IGFBP7: variants seen among roughly 807,000 people sequenced by gnomAD.
IGFBP7 encodes the protein insulin like growth factor binding protein 7.
A neutral mutation model predicts 29.4 loss-of-function variants in IGFBP7; 31 were observed. That is an observed-to-expected ratio of 1.05 (90% CI 0.79 to 1.42). The LOEUF (loss-of-function observed/expected upper bound fraction) is 1.42. Ranked by LOEUF, IGFBP7 falls within the 40% of genes most tolerant of loss-of-function variation. The pLI, the probability that IGFBP7 is intolerant of heterozygous loss-of-function variation, is 0.00. For missense variants in IGFBP7, 393 were observed against 395.5 expected (o/e 0.99, Z 0.05); for synonymous variants, 172 against 174.9 (o/e 0.98, Z 0.13).
At chr4:57,051,702 C>T (rs570380038) in intron 1 of IGFBP7, among the ~76,000 whole-genome samples, 2 of 152,274 alleles carry the variant, frequency 1.3e-5, no homozygotes, top group South Asian at 4.1e-4. Context: ...TCTACCACTC[C>T]TGAGTTATGC....
At chr4:57,105,907 A>ATT (rs34995246) in intron 1 of IGFBP7, among the ~76,000 whole-genome samples, 104,516 of 135,814 alleles carry the variant, frequency 0.77, 43,079 homozygotes, top group Non-Finnish European at 0.92. Flanking sequence ...CATTTTTTAA[A>ATT]TTTTTTTTTT....
chr4:57,040,019 C>A (rs1426929421), intron 2 of IGFBP7, among the ~76,000 whole-genome samples: 1 of 152,080 alleles, frequency 6.6e-6, no homozygotes, highest in Non-Finnish European at 1.5e-5. Context: ...GGGGCTGGGG[C>A]CAGCATTTAG....
intron 1 of IGFBP7, among the ~76,000 whole-genome samples, chr4:57,061,766 G>A (rs560364742): frequency 2.7e-4 from 41 of 152,166 alleles, no homozygotes; most frequent in Non-Finnish European, 5.0e-4. Context: ...GGATGAGGGC[G>A]GACTCCTATA....
chr4:57,068,077 A>G (rs1031814490), intron 1 of IGFBP7, among the ~76,000 whole-genome samples: 1 of 152,164 alleles, frequency 6.6e-6, no homozygotes, highest in Non-Finnish European at 1.5e-5. Flanking sequence ...CCGTAGTCAC[A>G]GCACTTTGGG....
At chr4:57,066,674 C>T (rs1194716592) in intron 1 of IGFBP7, among the ~76,000 whole-genome samples, 1 of 151,826 alleles carries the variant, frequency 6.6e-6, no homozygotes, top group Non-Finnish European at 1.5e-5. Context: ...AGTGATTCTC[C>T]TGCCTTAGCC....
In IGFBP7 at chr4:57,032,469, T is replaced by A. The variant is rs1388813243; in HGVS notation, c.786A>T (p.Lys262Asn). ...NSQGQASASA[K>N]ITVVDALHEI... ...CATGTAAGGCATCAACCACTGTAAT[T>A]TTTGCTGATGCTGAAGCCTGTCCTT... Residue 262 changes from lysine to asparagine, a missense_variant, in exon 4 of 5, where the codon AAA becomes AAT. Lys to Asn is a moderately conservative substitution (Grantham distance 94). Transcript: ENST00000295666. 1 of 1,613,920 alleles carries A rather than the reference T, an allele frequency of 6.2e-7. No homozygotes were observed. The highest frequency in any genetic ancestry group is 8.5e-7 in the Non-Finnish European group (1 of 1,179,782).
At chr4:57,071,202 A>AC (rs932565992) in intron 1 of IGFBP7, among the ~76,000 whole-genome samples, 20 of 143,548 alleles carry the variant, frequency 1.4e-4, no homozygotes, top group African/African-American at 4.4e-4. Context: ...TTTTTGATAT[A>AC]TTGGGGGGGA....
At chr4:57,082,279 G>A (rs1347267842) in intron 1 of IGFBP7, among the ~76,000 whole-genome samples, 1 of 152,186 alleles carries the variant, frequency 6.6e-6, no homozygotes, top group Non-Finnish European at 1.5e-5. Flanking sequence ...TTTCCTGAGA[G>A]AAGGCTGAGT....
chr4:57,042,785 A>G (rs922156338), intron 1 of IGFBP7, among the ~76,000 whole-genome samples: 3 of 152,252 alleles, frequency 2.0e-5, no homozygotes, highest in Non-Finnish European at 4.4e-5. Context: ...TCTGGCTGCT[A>G]GAGCAGTTGT....
At chr4:57,061,926 G>A (rs952029386) in intron 1 of IGFBP7, among the ~76,000 whole-genome samples, 11 of 152,256 alleles carry the variant, frequency 7.2e-5, no homozygotes, top group Middle Eastern at 3.4e-3. Context: ...GCCTCCCAAA[G>A]TGCTGGGATT....
chr4:57,103,660 C>CTTTTTTTTTT (rs59173874), intron 1 of IGFBP7, among the ~76,000 whole-genome samples: 1,669 of 86,460 alleles, frequency 0.019, 29 homozygotes, highest in Non-Finnish European at 0.028. Flanking sequence ...TTTTTCTTTT[C>CTTTTTTTTTT]TTTTTTTTTT....
At chr4:57,042,596 C>A (rs34857305) in intron 1 of IGFBP7, among the ~76,000 whole-genome samples, 13,476 of 152,282 alleles carry the variant, frequency 0.088, 654 homozygotes, top group African/African-American at 0.098. Context: ...GATCCCCCCA[C>A]CTTGGCCTCC....
In IGFBP7 at chr4:57,031,360, A is replaced by C. The variant is rs139662867; in HGVS notation, c.830-24T>G. The C allele has an allele frequency of 4.9e-4, 770 of 1,575,780 alleles. No homozygotes were observed. In the African/African-American group the frequency reaches 9.5e-3, roughly 19 times the overall value. ...ACCTGTTTAAAAAAAAAAAAAGATAAAAATTAGTTACATATGGGGATGTGG... is the reference window on the plus strand; with the variant it reads ...ACCTGTTTAAAAAAAAAAAAAGATACAAATTAGTTACATATGGGGATGTGG... On this transcript the variant is annotated intron_variant, in intron 4 of 4. Transcript: ENST00000295666.
Position 57,031,397 on chromosome 4 carries a change from A to T in IGFBP7, c.830-61T>A, listed in dbSNP as rs1723922679. On this transcript the variant is annotated intron_variant, in intron 4 of 4. Coordinates refer to ENST00000295666, the MANE Select transcript of IGFBP7 (RefSeq NM_001553.3). Reference sequence around the variant, plus strand: ...ATATGGGGATGTGGTTGACTTTTGAATTGGCAGGTAGTTGAGTGTTTCCAA... The same window carrying T: ...ATATGGGGATGTGGTTGACTTTTGATTTGGCAGGTAGTTGAGTGTTTCCAA... 2.4e-6 allele frequency: 3 copies of T among 1,245,686 alleles called. No individual in the cohort carries two copies. In the Admixed American group the frequency reaches 5.2e-5, roughly 22 times the overall value. The allele number at this position is 1,245,686 out of a possible 1,614,324, so 77.2% of individuals were successfully genotyped here. A position where few individuals can be genotyped will look rare whatever the true frequency, so the allele number is the denominator to read the frequency against.
chr4:57,072,471 T>C (rs976793516), intron 1 of IGFBP7, among the ~76,000 whole-genome samples: 1 of 152,116 alleles, frequency 6.6e-6, no homozygotes, highest in African/African-American at 2.4e-5. Context: ...AGGTTGATGA[T>C]ACAACGAGCT....
intron 1 of IGFBP7, among the ~76,000 whole-genome samples, chr4:57,083,694 C>A (rs543111428): frequency 6.6e-6 from 1 of 152,256 alleles, no homozygotes; most frequent in South Asian, 2.1e-4. Context: ...GTGCGTGGCA[C>A]ATAGTATGTT....
At chr4:57,078,618 C>G (rs1367605038) in intron 1 of IGFBP7, among the ~76,000 whole-genome samples, 1 of 152,176 alleles carries the variant, frequency 6.6e-6, no homozygotes, top group Non-Finnish European at 1.5e-5. Flanking sequence ...TCCCCTCTCA[C>G]AGAACACCCT....
At chr4:57,049,464 T>C (rs998766685) in intron 1 of IGFBP7, among the ~76,000 whole-genome samples, 1 of 152,200 alleles carries the variant, frequency 6.6e-6, no homozygotes, top group South Asian at 2.1e-4. Context: ...CACCATTACA[T>C]GTTCATTACC....
chr4:57,056,681 TG>T (rs963739713), intron 1 of IGFBP7, among the ~76,000 whole-genome samples: 2 of 152,148 alleles, frequency 1.3e-5, no homozygotes, highest in Non-Finnish European at 2.9e-5. Flanking sequence ...TTTATCAGGC[TG>T]GGGGACAGAG....
Sources: gnomAD v4.1 joint callset for allele counts (sites outside exome capture counted in the v4.1 genomes callset) on GRCh38, gnomAD v4.1.1 for gene constraint, MANE v1.5 for transcripts, NCBI Gene and HGNC (gene_info 2026-07-23, HGNC 2026-07-21) for gene names.